TECR: variants seen among roughly 807,000 people sequenced by gnomAD.
TECR encodes the protein trans-2,3-enoyl-CoA reductase.
In TECR, 19 loss-of-function variants were observed where a neutral mutation model predicts 50.6. That is an observed-to-expected ratio of 0.38 (90% CI 0.26 to 0.55). The LOEUF (loss-of-function observed/expected upper bound fraction) is 0.55. Among genes scored for constraint, TECR ranks in the 20% least tolerant of loss-of-function variants. The probability of loss-of-function intolerance (pLI) is 0.79; values close to 1 mark genes in which losing one functional copy is unlikely to be tolerated. For synonymous variants in TECR, 168 were observed against 163.5 expected (o/e 1.03, Z -0.21); for missense variants, 313 against 408.3 (o/e 0.77, Z 2.01).
rs115186458 is a variant in TECR, at chr19:14,555,137, T to C, written c.16-7388T>C. On this transcript the variant is annotated intron_variant, in intron 1 of 12. Coordinates refer to ENST00000215567, the MANE Select transcript of TECR (RefSeq NM_138501.6). Reference sequence around the variant, plus strand: ...TCCCCCAGGCAGGGGTGCCGTAGTGTAATCAATCATGGCTCACTGCAGCCT... The same window carrying C: ...TCCCCCAGGCAGGGGTGCCGTAGTGCAATCAATCATGGCTCACTGCAGCCT... Among the ~76,000 whole-genome samples, 423 of 151,754 alleles carry C rather than the reference T, an allele frequency of 2.8e-3. 4 individuals carry two copies. Among genetic ancestry groups the C allele is most frequent in the African/African-American group, 9.8e-3 (406 of 41,418 alleles).
Position 14,562,303 on chromosome 19 carries a change from C to T in TECR, c.16-222C>T, listed in dbSNP as rs565396117. 221 of 638,332 alleles carry T rather than the reference C, an allele frequency of 3.5e-4. No homozygotes were observed. In the East Asian group the frequency reaches 5.8e-3, roughly 17 times the overall value. 39.5% of individuals were successfully genotyped at this position (638,332 alleles called of 1,614,324 possible). A position where few individuals can be genotyped will look rare whatever the true frequency, so the allele number is the denominator to read the frequency against. Reference sequence around the variant, plus strand: ...GCTTGCCCGGCCCAGGGCTGCTTCCCGTGGGGAGGTCGGTGGTGGGGGCTG... The same window carrying T: ...GCTTGCCCGGCCCAGGGCTGCTTCCTGTGGGGAGGTCGGTGGTGGGGGCTG... On this transcript the variant is annotated intron_variant, in intron 1 of 12. Coordinates refer to ENST00000215567, the MANE Select transcript of TECR (RefSeq NM_138501.6).
chr19:14,558,201 A>T (rs566747729), intron 1 of TECR, among the ~76,000 whole-genome samples: 2 of 152,144 alleles, frequency 1.3e-5, no homozygotes, highest in South Asian at 4.1e-4. Flanking sequence ...CAGCCAGGAA[A>T]TGGGCAGGTC....
At chr19:14,559,416 C>G (rs2073839361) in intron 1 of TECR, among the ~76,000 whole-genome samples, 2 of 152,096 alleles carry the variant, frequency 1.3e-5, no homozygotes, top group Admixed American at 1.3e-4. Context: ...GATATGGGAC[C>G]TTTGTGTCTG....
chr19:14,548,819 C>G (rs2073390423), intron 1 of TECR, among the ~76,000 whole-genome samples: 1 of 152,066 alleles, frequency 6.6e-6, no homozygotes, highest in South Asian at 2.1e-4. Context: ...AAGTGATCTG[C>G]TCACTTTGGC....
chr19:14,561,453 C>T (rs2073899124), intron 1 of TECR, among the ~76,000 whole-genome samples: 1 of 152,174 alleles, frequency 6.6e-6, no homozygotes, highest in Admixed American at 6.5e-5. Context: ...CCTCTGCACC[C>T]CCATCGTTCA....
chr19:14,547,842 G>T (rs1417232817), intron 1 of TECR, among the ~76,000 whole-genome samples: 1 of 149,760 alleles, frequency 6.7e-6, no homozygotes, highest in East Asian at 2.0e-4. Context: ...GTTTTTTTTT[G>T]GTAGAAATGG....
intron 1 of TECR, among the ~76,000 whole-genome samples, chr19:14,559,091 A>C (rs1216414690): frequency 6.6e-6 from 1 of 151,582 alleles, no homozygotes; most frequent in African/African-American, 2.4e-5. Context: ...GGGGTGGGGA[A>C]CCTCTCCTGC....
intron 1 of TECR, chr19:14,530,860 A>G (rs1042240759): frequency 6.6e-6 from 1 of 152,208 alleles, no homozygotes; most frequent in Non-Finnish European, 1.5e-5. Flanking sequence ...TTGTTGTGCA[A>G]CCATCACCAC....
chr19:14,528,615 A>G (rs1339090441), upstream of TECR, among the ~76,000 whole-genome samples: 1 of 151,948 alleles, frequency 6.6e-6, no homozygotes, highest in Non-Finnish European at 1.5e-5. Context: ...GCAGAGACCA[A>G]TGTAGTTCCC....
chr19:14,554,580 A>G (rs1296237945), intron 1 of TECR, among the ~76,000 whole-genome samples: 4 of 152,148 alleles, frequency 2.6e-5, no homozygotes, highest in Admixed American at 1.3e-4. Context: ...CCTTCTGTGC[A>G]TGGCTGTGTG....
At chr19:14,546,413 C>G (rs982298857) in intron 1 of TECR, among the ~76,000 whole-genome samples, 1 of 152,030 alleles carries the variant, frequency 6.6e-6, no homozygotes, top group African/African-American at 2.4e-5. Flanking sequence ...ATGCTGAAAC[C>G]CCTCTTCTAC....
At position 14,563,292 on chromosome 19, in the gene TECR, C is replaced by T. The variant is rs776595742; in HGVS notation, c.118+35C>T. On this transcript the variant is annotated intron_variant, in intron 3 of 12. Transcript: ENST00000215567. This position sits in a 1 kb window ranked among gnomAD's most constrained non-coding sequence, Gnocchi z 5.3. ...AGTCCCGGCCACACTGCCCCTGCAA[C>T]CCCTTTGACCAGGGACCTTAGGGTG... 1 of 1,576,550 alleles carries T rather than the reference C, an allele frequency of 6.3e-7. No individual in the cohort carries two copies. Among genetic ancestry groups the T allele is most frequent in the African/African-American group, 1.3e-5 (1 of 74,290 alleles).
At chr19:14,543,730 G>T (rs754486520) in intron 1 of TECR, among the ~76,000 whole-genome samples, 208 of 149,098 alleles carry the variant, frequency 1.4e-3, no homozygotes, top group Admixed American at 3.8e-3. Context: ...GAGCCACCGC[G>T]CCCGGCTATA....
Position 14,551,946 on chromosome 19 carries a change from C to CCTCT in TECR, c.16-10556_16-10553dup, listed in dbSNP as rs71166756. ...CCCTCCCTCTCTCTCTCCCTCCCTC[C>CCTCT]CTCTCTCTCTCTCTCTCTCTCTCTC... On this transcript the variant is annotated intron_variant, in intron 1 of 12. Transcript: ENST00000215567. Among the ~76,000 whole-genome samples the CCTCT allele has an allele frequency of 3.9e-3, 276 of 71,240 alleles. 2 individuals are homozygous for CCTCT. Among genetic ancestry groups the CCTCT allele is most frequent in the Non-Finnish European group, 4.0e-3 (163 of 40,252 alleles). The allele number at this position is 71,240 out of a possible 152,430, so 46.7% of individuals were successfully genotyped here. A position where few individuals can be genotyped will look rare whatever the true frequency, so the allele number is the denominator to read the frequency against.
intron 1 of TECR, among the ~76,000 whole-genome samples, chr19:14,548,222 A>G (rs1386217570): frequency 2.0e-5 from 3 of 151,908 alleles, no homozygotes; most frequent in African/African-American, 4.8e-5. Context: ...CGGCCTCCCA[A>G]AGTGCTGGGA....
chr19:14,565,693 C>CCTGCCCCTCCGGGCCGG (rs1568434184), intron 12 of TECR, 30 bp downstream of exon 12: 1 of 1,611,860 alleles, frequency 6.2e-7, no homozygotes, highest in Non-Finnish European at 8.5e-7. Flanking sequence ...TCGGCGGGGC[C>CCTGCCCCTCCGGGCCGG]CTGCCCCTCC....
intron 1 of TECR, among the ~76,000 whole-genome samples, chr19:14,547,963 C>CTT (rs1043298294): frequency 1.2e-4 from 15 of 125,672 alleles, no homozygotes; most frequent in African/African-American, 1.5e-4. Flanking sequence ...ATGGGCATTT[C>CTT]TTTTTTTTTT....
intron 11 of TECR, 76 bp downstream of exon 11, chr19:14,565,366 G>A (rs1378565288): frequency 2.1e-5 from 32 of 1,552,342 alleles, no homozygotes; most frequent in Non-Finnish European, 2.7e-5. Flanking sequence ...AGGATGGGGC[G>A]CCTGGCTGGG....
At chr19:14,540,994 T>C (rs2073078373) in intron 1 of TECR, among the ~76,000 whole-genome samples, 1 of 151,932 alleles carries the variant, frequency 6.6e-6, no homozygotes, top group South Asian at 2.1e-4. Context: ...CGCTGCTAAT[T>C]TTGGTATTTT....
Sources: gnomAD v4.1 joint callset for allele counts (sites outside exome capture counted in the v4.1 genomes callset) on GRCh38, gnomAD v4.1.1 for gene constraint, Gnocchi (gnomAD v3.1) non-coding constraint, MANE v1.5 for transcripts, NCBI Gene and HGNC (gene_info 2026-07-23, HGNC 2026-07-21) for gene names.